Variants in ADAMTS6 observed in about 807,000 individuals in gnomAD.
ADAMTS6 encodes the protein ADAM metallopeptidase with thrombospondin type 1 motif 6.
Under a neutral mutation model 144.3 loss-of-function variants are expected in ADAMTS6, and 23 were observed. That is an observed-to-expected ratio of 0.16 (90% CI 0.11 to 0.23). The LOEUF (loss-of-function observed/expected upper bound fraction) is 0.23. Among genes scored for constraint, ADAMTS6 ranks in the 10% least tolerant of loss-of-function variants. The pLI, the probability that ADAMTS6 is intolerant of heterozygous loss-of-function variation, is 1.00. For synonymous variants in ADAMTS6, 444 were observed against 457.5 expected (o/e 0.97, Z 0.38); for missense variants, 999 against 1,379.6 (o/e 0.72, Z 4.37).
chr5:65,315,944 C>A (rs143797062), intron 9 of ADAMTS6, among the ~76,000 whole-genome samples: 7,366 of 152,170 alleles, frequency 0.048, 614 homozygotes, highest in African/African-American at 0.17. Context: ...CGGAGTCTCG[C>A]TCTGTCGCCC....
intron 7 of ADAMTS6, among the ~76,000 whole-genome samples, chr5:65,439,065 A>G (rs1461439910): frequency 6.6e-6 from 1 of 152,170 alleles, no homozygotes; most frequent in Non-Finnish European, 1.5e-5. Flanking sequence ...ATGCTACAGA[A>G]ATGGGAGGGC....
At chr5:65,221,478 C>T (rs944648913) in intron 18 of ADAMTS6, among the ~76,000 whole-genome samples, 3 of 152,128 alleles carry the variant, frequency 2.0e-5, no homozygotes, top group African/African-American at 7.2e-5. Context: ...TAGAAGGGAA[C>T]ATCCTCAAAC....
intron 7 of ADAMTS6, among the ~76,000 whole-genome samples, chr5:65,425,769 T>G (rs111800278): frequency 0.02 from 2,971 of 147,588 alleles, 101 homozygotes; most frequent in African/African-American, 0.07. Flanking sequence ...TGCTGCTTCT[T>G]TTTTTTTTTT....
intron 7 of ADAMTS6, among the ~76,000 whole-genome samples, chr5:65,431,670 C>G (rs1757011542): frequency 6.6e-6 from 1 of 152,010 alleles, no homozygotes; most frequent in African/African-American, 2.4e-5. Flanking sequence ...TAACTGAAAC[C>G]ACTTTTGCAT....
chr5:65,323,704 C>T (rs1341724353), intron 9 of ADAMTS6, among the ~76,000 whole-genome samples: 4 of 152,186 alleles, frequency 2.6e-5, no homozygotes, highest in African/African-American at 9.7e-5. Context: ...CCAACTTCCA[C>T]GATGGTTGAA....
chr5:65,272,790 G>A (rs1211517047), intron 12 of ADAMTS6, among the ~76,000 whole-genome samples: 1 of 151,772 alleles, frequency 6.6e-6, no homozygotes, highest in Non-Finnish European at 1.5e-5. Context: ...GCGTGGTGGT[G>A]TGTACCTGTA....
At chr5:65,314,015 T>C (rs1004781318) in intron 9 of ADAMTS6, among the ~76,000 whole-genome samples, 1 of 151,816 alleles carries the variant, frequency 6.6e-6, no homozygotes, top group Admixed American at 6.6e-5. Flanking sequence ...GCAAAAAAGA[T>C]AAAACAACCA....
chr5:65,462,816 T>C (rs986765355), intron 3 of ADAMTS6, among the ~76,000 whole-genome samples: 6 of 152,100 alleles, frequency 3.9e-5, no homozygotes, highest in African/African-American at 1.4e-4. Context: ...GCGTGGTGGG[T>C]CATACCTGTA....
intron 7 of ADAMTS6, among the ~76,000 whole-genome samples, chr5:65,342,666 A>T (rs1193666494): frequency 6.6e-6 from 1 of 152,082 alleles, no homozygotes; most frequent in Admixed American, 6.6e-5. Context: ...TATTCTCACC[A>T]CTCTTGCTCA....
intron 3 of ADAMTS6, among the ~76,000 whole-genome samples, chr5:65,462,217 C>A (rs562894982): frequency 6.6e-6 from 1 of 152,186 alleles, no homozygotes; most frequent in South Asian, 2.1e-4. Context: ...ACAGTTCCTG[C>A]AGAATAAGGG....
intron 22 of ADAMTS6, among the ~76,000 whole-genome samples, chr5:65,186,816 G>C (rs1474956448): frequency 1.3e-5 from 2 of 152,120 alleles, no homozygotes; most frequent in Admixed American, 1.3e-4. Context: ...TAGGAAACTT[G>C]GAAGAACACT....
At chr5:65,267,706 TA>T (rs200425923) in intron 12 of ADAMTS6, among the ~76,000 whole-genome samples, 1 of 152,204 alleles carries the variant, frequency 6.6e-6, no homozygotes, top group East Asian at 1.9e-4. Context: ...ATGCAGTATT[TA>T]AAAAAAATTT....
chr5:65,386,284 T>C (rs187122803), intron 7 of ADAMTS6, among the ~76,000 whole-genome samples: 1 of 152,344 alleles, frequency 6.6e-6, no homozygotes, highest in African/African-American at 2.4e-5. Context: ...CTATTTTTCA[T>C]ATATTTGAAA....
At chr5:65,167,084 GA>G (rs1753216303) in intron 24 of ADAMTS6, among the ~76,000 whole-genome samples, 1 of 144,662 alleles carries the variant, frequency 6.9e-6, no homozygotes, top group African/African-American at 2.6e-5. Context: ...AAAAATCAAT[GA>G]ATCCAGGAGC....
At chr5:65,211,610 A>G (rs994834108) in intron 20 of ADAMTS6, among the ~76,000 whole-genome samples, 8 of 152,174 alleles carry the variant, frequency 5.3e-5, no homozygotes, top group African/African-American at 1.9e-4. Flanking sequence ...TCAAAACACA[A>G]AAAAACCCAA....
At chr5:65,229,258 C>G (rs1225020527) in intron 15 of ADAMTS6, among the ~76,000 whole-genome samples, 1 of 152,150 alleles carries the variant, frequency 6.6e-6, no homozygotes, top group Non-Finnish European at 1.5e-5. Flanking sequence ...GGAGTAGGGA[C>G]ATCCATAGAA....
intron 24 of ADAMTS6, among the ~76,000 whole-genome samples, chr5:65,154,516 C>T (rs17812416): frequency 0.14 from 21,358 of 152,190 alleles, 1,580 homozygotes; most frequent in Non-Finnish European, 0.16. Flanking sequence ...TTGCCTGCAG[C>T]GGCAACACAA....
intron 9 of ADAMTS6, among the ~76,000 whole-genome samples, chr5:65,304,294 G>C (rs2097921737): frequency 6.6e-6 from 1 of 152,200 alleles, no homozygotes; most frequent in South Asian, 2.1e-4. Context: ...CATGACATCA[G>C]CTTCAAAAGA....
chr5:65,384,753 C>G (rs1048735041), intron 7 of ADAMTS6, among the ~76,000 whole-genome samples: 1 of 152,186 alleles, frequency 6.6e-6, no homozygotes, highest in Admixed American at 6.5e-5. Flanking sequence ...AAAGTTGCTT[C>G]CACATTTTTA....
Sources: allele counts gnomAD v4.1 joint callset (sites outside exome capture counted in the v4.1 genomes callset), GRCh38; gene constraint gnomAD v4.1.1; transcripts MANE v1.5; gene names NCBI Gene and HGNC (gene_info 2026-07-23, HGNC 2026-07-21).